GRM7: variants seen among roughly 807,000 people sequenced by gnomAD.
GRM7 encodes the protein glutamate metabotropic receptor 7, also known as metabotropic glutamate receptor 7.
GRM7 carries 35 observed loss-of-function variants against 84.5 expected under a neutral mutation model. That is an observed-to-expected ratio of 0.41 (90% CI 0.32 to 0.55). The LOEUF is 0.55. Among genes scored for constraint, GRM7 ranks in the 20% least tolerant of loss-of-function variants. The pLI, the probability that GRM7 is intolerant of heterozygous loss-of-function variation, is 0.19. For synonymous variants in GRM7, 487 were observed against 455.1 expected, an observed-to-expected ratio of 1.07 and a Z score of -0.89; for missense variants, 1,003 against 1,194.6, an observed-to-expected ratio of 0.84 and a Z score of 2.36.
chr3:7,502,936 T>C (rs1035819567), intron 7 of GRM7, among the ~76,000 whole-genome samples: 4 of 152,192 alleles, frequency 2.6e-5, no homozygotes, highest in East Asian at 3.9e-4. Context: ...ATGATTTCCA[T>C]TGAGTTTTAA....
chr3:7,058,351 A>G (rs1484012029), intron 1 of GRM7, among the ~76,000 whole-genome samples: 1 of 151,886 alleles, frequency 6.6e-6, no homozygotes, highest in East Asian at 1.9e-4. Context: ...ATATTGTTCT[A>G]AAGTTTTTTT....
At chr3:6,991,428 C>T (rs569466704) in intron 1 of GRM7, among the ~76,000 whole-genome samples, 47 of 152,006 alleles carry the variant, frequency 3.1e-4, no homozygotes, top group Non-Finnish European at 5.7e-4. Context: ...GTTGCAAGAA[C>T]AAATTTAGTA....
At chr3:7,503,151 C>G (rs555738342) in intron 7 of GRM7, among the ~76,000 whole-genome samples, 6 of 152,200 alleles carry the variant, frequency 3.9e-5, no homozygotes, top group Admixed American at 6.5e-5. Flanking sequence ...TCCCCAGCAG[C>G]AAGAAAATCC....
intron 9 of GRM7, among the ~76,000 whole-genome samples, chr3:7,685,580 A>G (rs1214053312): frequency 1.3e-5 from 2 of 152,168 alleles, no homozygotes; most frequent in Non-Finnish European, 2.9e-5. Context: ...CAATTAACAC[A>G]TTGTATGATG....
chr3:6,909,672 C>A (rs1696700046), intron 1 of GRM7, among the ~76,000 whole-genome samples: 1 of 151,892 alleles, frequency 6.6e-6, no homozygotes, highest in Admixed American at 6.6e-5. Flanking sequence ...CTTTTCCTTC[C>A]CATGTTCATT....
chr3:6,973,182 A>G (rs1458397635), intron 1 of GRM7, among the ~76,000 whole-genome samples: 1 of 152,184 alleles, frequency 6.6e-6, no homozygotes, highest in Non-Finnish European at 1.5e-5. Flanking sequence ...AGATTTTATT[A>G]TGATGGTTTT....
chr3:7,611,234 C>A (rs941311429), intron 8 of GRM7, among the ~76,000 whole-genome samples: 1 of 152,132 alleles, frequency 6.6e-6, no homozygotes, highest in East Asian at 1.9e-4. Flanking sequence ...CCCCTAAATA[C>A]CTTGGAACAG....
At chr3:7,084,673 T>C (rs1240704942) in intron 1 of GRM7, among the ~76,000 whole-genome samples, 1 of 152,100 alleles carries the variant, frequency 6.6e-6, no homozygotes, top group Non-Finnish European at 1.5e-5. Context: ...GTCACTCAAG[T>C]AGAGCCGTTG....
chr3:7,306,523 G>A lies in GRM7; in HGVS notation c.904G>A (p.Ala302Thr). Reference sequence around the variant, plus strand: ...GCAGATCCTTGCAGCAGCCAAAAGAGCTGACCAAGTTGGCCATTTTCTTTG... The same window carrying A: ...GCAGATCCTTGCAGCAGCCAAAAGAACTGACCAAGTTGGCCATTTTCTTTG... ...IKQILAAAKR[A>T]DQVGHFLWVG... The change falls in exon 4 of 10, where the codon GCT becomes ACT. Residue 302 changes from alanine to threonine, a missense_variant. Transcript: ENST00000357716. 6.2e-7 allele frequency: 1 copy of A among 1,613,882 alleles called. No homozygotes were observed. The highest frequency in any genetic ancestry group is 1.1e-5 in the South Asian group (1 of 91,078).
intron 7 of GRM7, among the ~76,000 whole-genome samples, chr3:7,575,590 C>G (rs558367922): frequency 2.0e-5 from 3 of 152,106 alleles, no homozygotes; most frequent in African/African-American, 7.2e-5. Flanking sequence ...TGATATACAT[C>G]ACATTAACAA....
chr3:7,426,427 G>A (rs1184678993), intron 5 of GRM7, among the ~76,000 whole-genome samples: 1 of 152,170 alleles, frequency 6.6e-6, no homozygotes, highest in Non-Finnish European at 1.5e-5. Context: ...GTTCTCTAGA[G>A]GTGTCTGCAT....
chr3:7,071,768 C>T (rs1234935582), intron 1 of GRM7, among the ~76,000 whole-genome samples: 2 of 151,950 alleles, frequency 1.3e-5, no homozygotes, highest in African/African-American at 4.8e-5. Flanking sequence ...TGGTATCAAT[C>T]AATATTTTTA....
intron 2 of GRM7, among the ~76,000 whole-genome samples, chr3:7,257,162 T>A (rs1698239628): frequency 6.6e-6 from 1 of 152,154 alleles, no homozygotes; most frequent in Admixed American, 6.5e-5. Context: ...GCTTTTCAAG[T>A]AAAGGTAAGT....
chr3:7,540,953 TGAA>T (rs1022692697), intron 7 of GRM7, among the ~76,000 whole-genome samples: 16 of 152,086 alleles, frequency 1.1e-4, no homozygotes, highest in Admixed American at 7.9e-4. Flanking sequence ...AAAAGCAAGT[TGAA>T]GAAGTACATA....
chr3:7,366,327 A>T lies in GRM7; in HGVS notation c.1034-48696A>T, dbSNP rs145452835. Among the ~76,000 whole-genome samples the T allele has an allele frequency of 4.8e-3, 735 of 151,790 alleles. 11 individuals carry two copies. The highest frequency in any genetic ancestry group is 0.017 in the African/African-American group (709 of 41,484). ...GACACTTTCCATTTACTCTCTCAAGATTATGTATGTATTTAAAGAATGTTG... is the reference window on the plus strand; with the variant it reads ...GACACTTTCCATTTACTCTCTCAAGTTTATGTATGTATTTAAAGAATGTTG... On this transcript the variant is annotated intron_variant, in intron 4 of 9. Transcript: ENST00000357716.
At chr3:7,234,160 CT>C (rs1349931437) in intron 2 of GRM7, among the ~76,000 whole-genome samples, 1 of 152,030 alleles carries the variant, frequency 6.6e-6, no homozygotes, top group African/African-American at 2.4e-5. Flanking sequence ...TCATATTTAC[CT>C]AGAAACAATG....
chr3:7,373,957 T>C (rs1694240928), intron 4 of GRM7, among the ~76,000 whole-genome samples: 1 of 152,172 alleles, frequency 6.6e-6, no homozygotes, highest in African/African-American at 2.4e-5. Flanking sequence ...GACTAGTGGC[T>C]ACCATGTTGG....
chr3:7,178,129 A>C (rs957552140), intron 2 of GRM7, among the ~76,000 whole-genome samples: 2 of 152,224 alleles, frequency 1.3e-5, no homozygotes, highest in African/African-American at 4.8e-5. Context: ...TTAAAGAATC[A>C]TTTCTCTGTG....
chr3:6,878,855 C>A (rs1695409610), intron 1 of GRM7, among the ~76,000 whole-genome samples: 1 of 152,208 alleles, frequency 6.6e-6, no homozygotes, highest in Non-Finnish European at 1.5e-5. Flanking sequence ...CATTGTTGGG[C>A]TCCACCCTCA....
Sources: gnomAD v4.1 joint callset for allele counts (sites outside exome capture counted in the v4.1 genomes callset) on GRCh38, gnomAD v4.1.1 for gene constraint, MANE v1.5 for transcripts, NCBI Gene and HGNC (gene_info 2026-07-23, HGNC 2026-07-21) for gene names.